GALNT2: variants seen among roughly 807,000 people sequenced by gnomAD.
GALNT2 encodes the protein UDP-GalNAc:polypeptide N-acetylgalactosaminyltransferase 2.
GALNT2 carries 31 observed loss-of-function variants against 81.4 expected under a neutral mutation model. The observed-to-expected ratio is 0.38, with a 90% CI of 0.29 to 0.51. The LOEUF is 0.51. GALNT2 is among the 20% of genes least tolerant of loss of function. The pLI is 0.87. For synonymous variants in GALNT2, 303 were observed against 287.4 expected (o/e 1.05, Z -0.55); for missense variants, 629 against 765.7 (o/e 0.82, Z 2.11).
chr1:230,263,610 T>A (rs1665944698), intron 13 of GALNT2: 1 of 152,520 alleles, frequency 6.6e-6, no homozygotes, highest in South Asian at 2.1e-4. Flanking sequence ...GCCTCTTGTT[T>A]TAAGCGAATA....
intron 11 of GALNT2, chr1:230,258,583 T>C (rs1227096753): frequency 6.6e-6 from 1 of 152,164 alleles, no homozygotes; most frequent in East Asian, 1.9e-4. Flanking sequence ...AGAAGTCAGA[T>C]TTTTCACATA....
chr1:230,270,930 T>G (rs1342840219), intron 14 of GALNT2, among the ~76,000 whole-genome samples: 1 of 152,214 alleles, frequency 6.6e-6, no homozygotes, highest in Non-Finnish European at 1.5e-5. Context: ...CTGAATTAGT[T>G]TTTCTGGAAT....
chr1:230,180,413 G>A (rs1040266248), intron 2 of GALNT2, among the ~76,000 whole-genome samples: 3 of 145,038 alleles, frequency 2.1e-5, no homozygotes, highest in African/African-American at 7.7e-5. Context: ...TCAGAGATCA[G>A]TTGGCAATAT....
At chr1:230,176,813 C>G (rs957539951) in intron 1 of GALNT2, among the ~76,000 whole-genome samples, 3 of 152,192 alleles carry the variant, frequency 2.0e-5, no homozygotes, top group Non-Finnish European at 1.5e-5. Context: ...CAGCTGCATT[C>G]TAATACATTT....
intron 1 of GALNT2, among the ~76,000 whole-genome samples, chr1:230,119,436 G>C (rs1660947496): frequency 6.6e-6 from 1 of 152,196 alleles, no homozygotes; most frequent in South Asian, 2.1e-4. Flanking sequence ...TCCTCTTTGA[G>C]GGATGGGCGA....
chr1:230,096,357 A>C (rs1358618670), intron 1 of GALNT2, among the ~76,000 whole-genome samples: 1 of 152,214 alleles, frequency 6.6e-6, no homozygotes, highest in Non-Finnish European at 1.5e-5. Context: ...TTTAAATGTG[A>C]TATATGTTAA....
chr1:230,232,230 T>C (rs1017571380), intron 3 of GALNT2, among the ~76,000 whole-genome samples: 2 of 152,214 alleles, frequency 1.3e-5, no homozygotes, highest in African/African-American at 2.4e-5. Flanking sequence ...GTAAAATATT[T>C]CTTAGTTTTT....
chr1:230,129,003 G>A (rs1228048931), intron 1 of GALNT2, among the ~76,000 whole-genome samples: 2 of 152,214 alleles, frequency 1.3e-5, no homozygotes, highest in African/African-American at 4.8e-5. Context: ...AAGCCCCCGC[G>A]ACACTTGTGA....
At chr1:230,274,787 G>A (rs538026486) in intron 15 of GALNT2, among the ~76,000 whole-genome samples, 23 of 152,110 alleles carry the variant, frequency 1.5e-4, no homozygotes, top group African/African-American at 3.6e-4. Flanking sequence ...TCCCTATGCC[G>A]CTGAAAATTT....
chr1:230,098,356 G>A (rs1406739007), intron 1 of GALNT2, among the ~76,000 whole-genome samples: 3 of 152,044 alleles, frequency 2.0e-5, no homozygotes, highest in African/African-American at 4.8e-5. Flanking sequence ...ATGCATGCAT[G>A]TGAATTGTGT....
At chr1:230,086,984 A>T (rs971579248) in intron 1 of GALNT2, among the ~76,000 whole-genome samples, 1 of 152,214 alleles carries the variant, frequency 6.6e-6, no homozygotes, top group Admixed American at 6.5e-5. Flanking sequence ...AGCTGTCACA[A>T]GGGTTCAACA....
intron 1 of GALNT2, among the ~76,000 whole-genome samples, chr1:230,139,468 C>A: frequency 6.6e-6 from 1 of 152,168 alleles, no homozygotes; most frequent in East Asian, 1.9e-4. Context: ...TCAGCCTCTG[C>A]CTTCAGCAAC....
intron 14 of GALNT2, among the ~76,000 whole-genome samples, chr1:230,266,935 G>A (rs1256326551): frequency 6.6e-6 from 1 of 152,190 alleles, no homozygotes; most frequent in Non-Finnish European, 1.5e-5. Flanking sequence ...AAGAGCCAAT[G>A]GGTCAGGTTT....
At chr1:230,200,432 C>T (rs886772313) in intron 2 of GALNT2, among the ~76,000 whole-genome samples, 4 of 152,174 alleles carry the variant, frequency 2.6e-5, no homozygotes, top group African/African-American at 9.7e-5. Flanking sequence ...GCATGGGTCA[C>T]GGGCCTGTGT....
intron 2 of GALNT2, among the ~76,000 whole-genome samples, chr1:230,190,292 G>A (rs537588461): frequency 2.0e-5 from 3 of 152,332 alleles, no homozygotes; most frequent in Admixed American, 6.5e-5. Flanking sequence ...TGCCCTGGGC[G>A]TATACCCAGG....
At chr1:230,263,105 G>C (rs1665927569) in intron 13 of GALNT2, 100 bp downstream of exon 13, 1 of 957,660 alleles carries the variant, frequency 1.0e-6, no homozygotes, top group Admixed American at 1.9e-5. Flanking sequence ...CTGCAGGCAT[G>C]AGATTGGGCA....
intron 1 of GALNT2, among the ~76,000 whole-genome samples, chr1:230,141,073 G>T (rs1289679645): frequency 6.6e-6 from 1 of 152,202 alleles, no homozygotes; most frequent in Non-Finnish European, 1.5e-5. Context: ...AGGTAACCAT[G>T]CTTAAAGACA....
chr1:230,178,308 C>T lies in GALNT2; in HGVS notation c.217C>T (p.Pro73Ser), dbSNP rs1663051182. 1.9e-6 allele frequency: 3 copies of T among 1,611,764 alleles called. No homozygotes were observed. The highest frequency in any genetic ancestry group is 2.5e-6 in the Non-Finnish European group (3 of 1,178,172). ...AGCACAAAGCATGGAGACCCTCCCT[C>T]CAGGTACTGCCAGGGGCCAGGAAGC... Reference protein sequence around the residue: ...EKAQSMETLPPGKVRWPDFNQ... With the variant: ...EKAQSMETLPSGKVRWPDFNQ... The change falls in exon 2 of 16, where the codon CCA becomes TCA. Residue 73 changes from proline to serine, a missense_variant. Physicochemically the swap from Pro to Ser is moderately conservative, Grantham distance 74 (BLOSUM62 -1). Coordinates refer to ENST00000366672, the MANE Select transcript of GALNT2 (RefSeq NM_004481.5).
chr1:230,218,365 A>G (rs144947796), intron 3 of GALNT2, among the ~76,000 whole-genome samples: 87 of 152,338 alleles, frequency 5.7e-4, no homozygotes, highest in African/African-American at 1.8e-3. Context: ...CAGGTCTCCC[A>G]TGTTGGAATC....
Sources: gnomAD v4.1 joint callset for allele counts (sites outside exome capture counted in the v4.1 genomes callset) on GRCh38, gnomAD v4.1.1 for gene constraint, MANE v1.5 for transcripts, NCBI Gene and HGNC (gene_info 2026-07-23, HGNC 2026-07-21) for gene names.